MYO10: variants seen among roughly 807,000 people sequenced by gnomAD.
The protein encoded by MYO10 is unconventional myosin-X.
Under a neutral mutation model 257.3 loss-of-function variants are expected in MYO10, and 133 were observed. The observed-to-expected ratio is 0.52, with a 90% confidence interval of 0.45 to 0.60. MYO10 has a LOEUF of 0.60. MYO10 is among the 20% of genes least tolerant of loss of function. The pLI, the probability that MYO10 is intolerant of heterozygous loss-of-function variation, is 0.00. For missense variants in MYO10, 2,399 were observed against 2,635.7 expected, an observed-to-expected ratio of 0.91 and a Z score of 1.97; for synonymous variants, 1,104 against 1,028.6, an observed-to-expected ratio of 1.07 and a Z score of -1.40.
intron 15 of MYO10, 142 bp downstream of exon 15, chr5:16,762,403 A>G: frequency 1.3e-6 from 1 of 747,910 alleles, no homozygotes; most frequent in Non-Finnish European, 2.1e-6. Context: ...TAGTTCTAGT[A>G]ATAGAAGAAC....
intron 1 of MYO10, among the ~76,000 whole-genome samples, chr5:16,910,921 T>C (rs1021099089): frequency 6.6e-6 from 1 of 152,100 alleles, no homozygotes; most frequent in Non-Finnish European, 1.5e-5. Flanking sequence ...TATCTTAGTA[T>C]GACATCTAGT....
At chr5:16,805,098 G>A (rs945565352) in intron 3 of MYO10, among the ~76,000 whole-genome samples, 4 of 152,174 alleles carry the variant, frequency 2.6e-5, no homozygotes, top group African/African-American at 9.7e-5. Flanking sequence ...TGTAACGTGA[G>A]TAAAAATGGC....
At chr5:16,847,091 C>T (rs1329852181) in intron 2 of MYO10, among the ~76,000 whole-genome samples, 1 of 151,678 alleles carries the variant, frequency 6.6e-6, no homozygotes, top group Non-Finnish European at 1.5e-5. Flanking sequence ...GCACTCCAGC[C>T]TGGGCAATAG....
Position 16,818,115 on chromosome 5 carries a change from T to A in MYO10, c.173A>T (p.His58Leu), listed in dbSNP as rs377742495. Reference protein sequence around the residue: ...TITHQKVTAMHPTNEEGVDDM... With the variant: ...TITHQKVTAMLPTNEEGVDDM... ...ATCCACGCCCTCCTCGTTCGTGGGGTGCATAGCAGTCACCTTCTGGTGGGT... is the reference window on the plus strand; with the variant it reads ...ATCCACGCCCTCCTCGTTCGTGGGGAGCATAGCAGTCACCTTCTGGTGGGT... The change falls in exon 3 of 41, where the codon CAC becomes CTC. Residue 58 changes from histidine to leucine, a missense_variant. By Grantham distance (99) the His-to-Leu change is moderately conservative. Coordinates refer to ENST00000513610, the MANE Select transcript of MYO10 (RefSeq NM_012334.3). The A allele has an allele frequency of 6.2e-7, 1 of 1,609,716 alleles. No homozygotes were observed. Among genetic ancestry groups the A allele is most frequent in the Non-Finnish European group, 8.5e-7 (1 of 1,176,850 alleles).
chr5:16,704,785 T>C (rs531634460), intron 21 of MYO10, 100 bp from the exon 22 acceptor site: 4 of 892,924 alleles, frequency 4.5e-6, no homozygotes, highest in South Asian at 3.0e-5. Context: ...GGCTTTTTTC[T>C]CTTAGTTTGA....
chr5:16,794,688 C>T lies in MYO10; in HGVS notation c.425G>A (p.Arg142His), dbSNP rs532665426. 6.2e-5 allele frequency: 100 copies of T among 1,613,084 alleles called. No homozygotes were observed. Among genetic ancestry groups the T allele is most frequent in the East Asian group, 4.2e-4 (19 of 44,826 alleles). ...HIFAIANECYRCLWKRHDNQC... is the reference protein window; with the variant it reads ...HIFAIANECYHCLWKRHDNQC... ...GTTGTCGTGGCGCTTCCACAGGCAG[C>T]GGTAGCACTCGTTGGCGATGGCGAA... The change falls in exon 4 of 41, where the codon CGC becomes CAC. Residue 142 changes from arginine to histidine, a missense_variant. Transcript: ENST00000513610.
At position 16,699,532 on chromosome 5, in the gene MYO10, T is replaced by C; in HGVS notation, c.3474A>G (p.Thr1158=). 1 of 1,613,784 alleles carries C rather than the reference T, an allele frequency of 6.2e-7. No individual in the cohort carries two copies. The highest frequency in any genetic ancestry group is 8.5e-7 in the Non-Finnish European group (1 of 1,179,828). ...CACGCCGGTATGAAAGCTCATCATC[T>C]GTATCAAACCTGGAATCAAAGTCCT... is the stretch of plus-strand genomic sequence containing the variant. ...SEEDFDSRFD[T]DDELSYRRDS... Residue 1158 remains threonine (T), a synonymous_variant, in exon 26 of 41, where the codon ACA becomes ACG. Transcript: ENST00000513610.
At chr5:16,724,567 ATT>A (rs35045821) in intron 19 of MYO10, among the ~76,000 whole-genome samples, 1 of 150,458 alleles carries the variant, frequency 6.6e-6, no homozygotes, top group African/African-American at 2.4e-5. Flanking sequence ...ATACCCAGTT[ATT>A]TTTTTTTAAT....
chr5:16,812,387 G>A (rs1742468033), intron 3 of MYO10, among the ~76,000 whole-genome samples: 1 of 152,276 alleles, frequency 6.6e-6, no homozygotes, highest in South Asian at 2.1e-4. Context: ...ATCAAACTCG[G>A]TACGGCCTCT....
intron 4 of MYO10, among the ~76,000 whole-genome samples, chr5:16,786,338 A>G (rs896253594): frequency 6.6e-6 from 1 of 152,202 alleles, no homozygotes; most frequent in Non-Finnish European, 1.5e-5. Context: ...AGTGTATGAC[A>G]CATTGAGAAA....
intron 3 of MYO10, among the ~76,000 whole-genome samples, chr5:16,801,356 CACA>C (rs1742115542): frequency 6.6e-6 from 1 of 151,970 alleles, no homozygotes. Context: ...TACAGGCGCC[CACA>C]ACCACACCTG....
intron 28 of MYO10, among the ~76,000 whole-genome samples, chr5:16,688,672 G>C (rs1370964669): frequency 6.6e-6 from 1 of 151,910 alleles, no homozygotes; most frequent in Non-Finnish European, 1.5e-5. Flanking sequence ...CCTGGAAGGT[G>C]GAGGCTGCGG....
At chr5:16,851,067 G>A (rs904928287) in intron 2 of MYO10, among the ~76,000 whole-genome samples, 6 of 152,054 alleles carry the variant, frequency 3.9e-5, no homozygotes, top group African/African-American at 9.7e-5. Flanking sequence ...GGCTCCCAAA[G>A]TGCTGGGATT....
At chr5:16,750,765 G>C (rs1257020037) in intron 19 of MYO10, among the ~76,000 whole-genome samples, 4 of 152,126 alleles carry the variant, frequency 2.6e-5, no homozygotes, top group Non-Finnish European at 4.4e-5. Context: ...GGAGGCCGAG[G>C]CAAGGAGATC....
At chr5:16,694,717 T>C in intron 26 of MYO10, 103 bp from the exon 27 acceptor site, 2 of 1,464,480 alleles carry the variant, frequency 1.4e-6, no homozygotes, top group Non-Finnish European at 1.9e-6. Flanking sequence ...GAGCTTAGAC[T>C]CTGCCCCAGC....
Position 16,671,448 on chromosome 5 carries a change from C to T in MYO10, c.5404G>A (p.Val1802Met). 1 of 1,614,020 alleles carries T rather than the reference C, an allele frequency of 6.2e-7. No individual in the cohort carries two copies. The highest frequency in any genetic ancestry group is 8.5e-7 in the Non-Finnish European group (1 of 1,179,882). ...LDTDNVPKDSVEFAFMFEQAH... is the reference protein window; with the variant it reads ...LDTDNVPKDSMEFAFMFEQAH... ...TGTTCAAACATAAATGCAAACTCCACACTGTCTTTTGGCACGTTGTCTGTG... is the reference window on the plus strand; with the variant it reads ...TGTTCAAACATAAATGCAAACTCCATACTGTCTTTTGGCACGTTGTCTGTG... Residue 1802 changes from valine to methionine, a missense_variant, in exon 38 of 41, where the codon GTG becomes ATG. Physicochemically the swap from Val to Met is conservative, Grantham distance 21. This residue lies in a region of MYO10 where 1,820 missense variants were observed against 1,939.4 expected (regional missense o/e 0.94). Coordinates refer to ENST00000513610, the MANE Select transcript of MYO10 (RefSeq NM_012334.3).
intron 3 of MYO10, among the ~76,000 whole-genome samples, chr5:16,816,877 T>C (rs913409083): frequency 6.7e-6 from 1 of 149,700 alleles, no homozygotes; most frequent in Non-Finnish European, 1.5e-5. Context: ...CGGAGTGCAG[T>C]GGCGCGATCT....
At position 16,741,678 on chromosome 5, in the gene MYO10, C is replaced by A. The variant is rs553975722; in HGVS notation, c.1929+13150G>T. The stretch of plus-strand genomic sequence containing the variant: ...AAATCAGCACTAACCCACTTGTAAA[C>A]ACTTCCGTGCCTGGAGAAACAGCAA... On this transcript the variant is annotated intron_variant, in intron 19 of 40. Coordinates refer to ENST00000513610, the MANE Select transcript of MYO10 (RefSeq NM_012334.3). 7 of 621,184 alleles carry A rather than the reference C, an allele frequency of 1.1e-5. No individual in the cohort carries two copies. The South Asian group carries it at 5.0e-4, about 45-fold the overall frequency. The allele number at this position is 621,184 out of a possible 1,614,324, so 38.5% of individuals were successfully genotyped here.
chr5:16,681,130 C>T (rs1005562942), intron 32 of MYO10, among the ~76,000 whole-genome samples, 179 bp downstream of exon 32: 55 of 152,186 alleles, frequency 3.6e-4, no homozygotes, highest in African/African-American at 1.1e-3. Flanking sequence ...ACCTCTAGTA[C>T]GGCTTAAACA....
Sources: allele counts gnomAD v4.1 joint callset (sites outside exome capture counted in the v4.1 genomes callset), GRCh38; gene constraint gnomAD v4.1.1; regional missense constraint gnomAD v4.1.1; transcripts MANE v1.5; gene names NCBI Gene and HGNC (gene_info 2026-07-23, HGNC 2026-07-21).